The following ZNF490 variants were observed in gnomAD, a reference collection of about 807,000 sequenced individuals.
ZNF490 encodes zinc finger protein 490.
ZNF490 carries 11 observed loss-of-function variants against 17.7 expected under a neutral mutation model. The ratio of observed to expected loss-of-function variants is 0.62; its 90% CI spans 0.39 to 1.03. The LOEUF (loss-of-function observed/expected upper bound fraction) is 1.03. Ranked by LOEUF, ZNF490 falls within the 50% of genes least tolerant of loss-of-function variation. The pLI is 0.00. For missense variants in ZNF490, 542 were observed against 643.4 expected (o/e 0.84, Z 1.71); for synonymous variants, 222 against 216.1 (o/e 1.03, Z -0.24).
intron 2 of ZNF490, chr19:12,597,123 C>G: frequency 4.3e-6 from 2 of 461,924 alleles, no homozygotes; most frequent in Non-Finnish European, 8.7e-6. Context: ...CCTCAGGTCT[C>G]GGGACTCCCG....
chr19:12,604,399 C>T (rs1042968304), intron 2 of ZNF490, among the ~76,000 whole-genome samples: 17 of 152,094 alleles, frequency 1.1e-4, no homozygotes, highest in African/African-American at 3.9e-4. Flanking sequence ...CACCTATAAT[C>T]CCAGCACTTT....
At position 12,578,603 on chromosome 19, in the gene ZNF490, A is replaced by G. The variant is rs2022676488; in HGVS notation, c.*1882T>C. The G allele has an allele frequency of 1.0e-6, 1 of 985,512 alleles. No homozygotes were observed. The highest frequency in any genetic ancestry group is 1.2e-6 in the Non-Finnish European group (1 of 829,956). The allele number at this position is 985,512 out of a possible 1,614,324, so 61.0% of individuals were successfully genotyped here. A position where few individuals can be genotyped will look rare whatever the true frequency, so the allele number is the denominator to read the frequency against. ...ACAATGTCTGTGAATTAGGATGTGC[A>G]TAGGCAGATCCCACTTGGGGAAAAA... On this transcript the variant is annotated 3_prime_UTR_variant, in exon 5 of 5. Transcript: ENST00000311437.
rs554128296 is a variant in ZNF490, at chr19:12,576,524, A to G, written c.*3961T>C. On this transcript the variant is annotated 3_prime_UTR_variant, in exon 5 of 5. Transcript: ENST00000311437. ...TGTCTCAAAAAAACAACAAACAAAC[A>G]AAATAACCAGCCAGGCAGAGTGGCT... Among the ~76,000 whole-genome samples the G allele has an allele frequency of 2.0e-5, 3 of 151,568 alleles. No individual in the cohort carries two copies. In the South Asian group the frequency reaches 6.2e-4, roughly 32 times the overall value.
At chr19:12,598,018 G>A (rs918359283) in intron 2 of ZNF490, among the ~76,000 whole-genome samples, 2 of 152,168 alleles carry the variant, frequency 1.3e-5, no homozygotes, top group African/African-American at 4.8e-5. Flanking sequence ...GAGGTCAAGT[G>A]ATCGAGACCA....
rs2022648430 is a variant in ZNF490, at chr19:12,576,896, CA to C, written c.*3588del. Among the ~76,000 whole-genome samples the C allele has an allele frequency of 6.8e-6, 1 of 147,158 alleles. No homozygotes were observed. The highest frequency in any genetic ancestry group is 1.5e-5 in the Non-Finnish European group (1 of 66,972). Reference sequence around the variant, plus strand: ...ATATATATACACACAGCCCTCTAGACAAATATACAAAAATCACACACGTTAT... The same window carrying C: ...ATATATATACACACAGCCCTCTAGACAATATACAAAAATCACACACGTTAT... On this transcript the variant is annotated 3_prime_UTR_variant, in exon 5 of 5. Coordinates refer to ENST00000311437, the MANE Select transcript of ZNF490 (RefSeq NM_020714.3).
chr19:12,587,218 C>T lies in ZNF490; in HGVS notation c.163-3662G>A, dbSNP rs562580901. 2.4e-5 allele frequency among the ~76,000 whole-genome samples: 2 copies of T among 84,230 alleles called. 1 individual carries two copies. The highest frequency in any genetic ancestry group is 6.2e-5 in the Non-Finnish European group (2 of 32,134). 55.3% of individuals were successfully genotyped at this position (84,230 alleles called of 152,430 possible). On this transcript the variant is annotated intron_variant, in intron 2 of 4. Transcript: ENST00000311437. ...GTTGTGGGATGACAGATGACTATAA[C>T]CTCAAACTCCTGGGCTCAAAGGACT...
At chr19:12,586,034 C>G (rs1290571517) in intron 2 of ZNF490, among the ~76,000 whole-genome samples, 1 of 92,306 alleles carries the variant, frequency 1.1e-5, no homozygotes, top group Admixed American at 1.0e-4. Flanking sequence ...GGTGTGGTGG[C>G]TCACGACTGT....
Position 12,581,633 on chromosome 19 carries a change from C to G in ZNF490, c.442G>C (p.Glu148Gln). The part of the protein sequence containing the change: ...SQIPDLNTNL[E>Q]TPTGLKPCDC... Reference sequence around the variant, plus strand: ...CATGGTTTTAATCCAGTAGGAGTTTCCAGGTTCGTATTAAGATCAGGAATC... The same window carrying G: ...CATGGTTTTAATCCAGTAGGAGTTTGCAGGTTCGTATTAAGATCAGGAATC... Residue 148 changes from glutamate to glutamine, a missense_variant, in exon 5 of 5, where the codon GAA (glutamate) becomes CAA (glutamine). Coordinates refer to ENST00000311437, the MANE Select transcript of ZNF490 (RefSeq NM_020714.3). 3 of 1,614,142 alleles carry G rather than the reference C, an allele frequency of 1.9e-6. No individual in the cohort carries two copies. Among genetic ancestry groups the G allele is most frequent in the Non-Finnish European group, 2.5e-6 (3 of 1,180,036 alleles).
intron 2 of ZNF490, among the ~76,000 whole-genome samples, chr19:12,607,269 C>T (rs1482784410): frequency 6.6e-6 from 1 of 151,402 alleles, no homozygotes; most frequent in African/African-American, 2.4e-5. Flanking sequence ...CGGCTCACTG[C>T]AACCTCCACC....
At chr19:12,588,332 A>G (rs926867734) in intron 2 of ZNF490, among the ~76,000 whole-genome samples, 1 of 152,156 alleles carries the variant, frequency 6.6e-6, no homozygotes, top group Non-Finnish European at 1.5e-5. Flanking sequence ...CAGCCTTATT[A>G]ATTTCAGAAA....
chr19:12,608,254 T>C (rs776204487), intron 2 of ZNF490, among the ~76,000 whole-genome samples: 1 of 152,128 alleles, frequency 6.6e-6, no homozygotes, highest in Non-Finnish European at 1.5e-5. Context: ...GTCCAAACTA[T>C]GCAAACAAGT....
At chr19:12,595,355 C>T (rs2022919090) in intron 2 of ZNF490, among the ~76,000 whole-genome samples, 1 of 151,956 alleles carries the variant, frequency 6.6e-6, no homozygotes, top group African/African-American at 2.4e-5. Context: ...GCTCCCGACC[C>T]GCCTGTCTTA....
At position 12,610,604 on chromosome 19, in the gene ZNF490, C is replaced by T; in HGVS notation, c.77G>A (p.Ser26Asn). The T allele has an allele frequency of 1.2e-6, 2 of 1,614,040 alleles. No individual in the cohort carries two copies. The highest frequency in any genetic ancestry group is 1.3e-5 in the African/African-American group (1 of 75,008). ...EEQVQSKWSS[S>N]QGRTGTGGSD... ...CCCTCCTGTTCCTGTGCGGCCTTGA[C>T]TAGACGACCACTTGCTCTGGACTTG... The change falls in exon 1 of 5, where the codon AGT becomes AAT. Residue 26 changes from serine (S) to asparagine (N), a missense_variant. Coordinates refer to ENST00000311437, the MANE Select transcript of ZNF490 (RefSeq NM_020714.3).
chr19:12,610,750 G>A lies in ZNF490; in HGVS notation c.-70C>T. 3 of 1,482,384 alleles carry A rather than the reference G, an allele frequency of 2.0e-6. No homozygotes were observed. Among genetic ancestry groups the A allele is most frequent in the Non-Finnish European group, 2.8e-6 (3 of 1,067,730 alleles). The allele number at this position is 1,482,384 out of a possible 1,614,324, so 91.8% of individuals were successfully genotyped here. On this transcript the variant is annotated 5_prime_UTR_variant, in exon 1 of 5. Coordinates refer to ENST00000311437, the MANE Select transcript of ZNF490 (RefSeq NM_020714.3). ...CGACCCGAGATCCGGAACAATTTCT[G>A]CTTCAACACAATTGTCCACGGAGGG...
At chr19:12,610,325 C>G (rs1214598115) in intron 1 of ZNF490, among the ~76,000 whole-genome samples, 2 of 150,802 alleles carry the variant, frequency 1.3e-5, no homozygotes, top group Non-Finnish European at 3.0e-5. Flanking sequence ...CCACCGCCCC[C>G]ACCACGCAGT....
In ZNF490 at chr19:12,610,563, C is replaced by T; in HGVS notation, c.117+1G>A. 1 of 1,612,232 alleles carries T rather than the reference C, an allele frequency of 6.2e-7. No individual in the cohort carries two copies. The highest frequency in any genetic ancestry group is 8.5e-7 in the Non-Finnish European group (1 of 1,178,434). ...ACAACATTATGCCAAGCCCCTGGTACCTGGAGGACATCAGACCCTCCTGTT... is the reference window on the plus strand; with the variant it reads ...ACAACATTATGCCAAGCCCCTGGTATCTGGAGGACATCAGACCCTCCTGTT... On this transcript the variant is annotated splice_donor_variant, in intron 1 of 4. Transcript: ENST00000311437. LOFTEE classifies it high-confidence loss of function.
chr19:12,595,948 C>CAAAAGAAAAAAAGA (rs1352133439), intron 2 of ZNF490, among the ~76,000 whole-genome samples: 9 of 149,972 alleles, frequency 6.0e-5, no homozygotes, highest in Admixed American at 4.7e-4. Flanking sequence ...AAGACTCTGT[C>CAAAAGAAAAAAAGA]AAAAGAAAAA....
chr19:12,603,839 A>G (rs560440005), intron 2 of ZNF490, among the ~76,000 whole-genome samples: 5 of 151,968 alleles, frequency 3.3e-5, no homozygotes, highest in Admixed American at 2.6e-4. Flanking sequence ...ATAGCTCTAG[A>G]AGAGTTCCAG....
rs906382243 is a variant in ZNF490, at chr19:12,576,230, G to A, written c.*4255C>T. Among the ~76,000 whole-genome samples, 10 of 152,198 alleles carry A rather than the reference G, an allele frequency of 6.6e-5. No individual in the cohort carries two copies. In the East Asian group the frequency reaches 1.5e-3, roughly 24 times the overall value. On this transcript the variant is annotated 3_prime_UTR_variant, in exon 5 of 5. Transcript: ENST00000311437. ...GCAAGAAAATGCAAGCATTCCAGCC[G>A]GGCCTGGTGGCTCAAGCCTCTAATC...
Sources: allele counts gnomAD v4.1 joint callset (sites outside exome capture counted in the v4.1 genomes callset), GRCh38; gene constraint gnomAD v4.1.1; transcripts MANE v1.5; gene names NCBI Gene and HGNC (gene_info 2026-07-23, HGNC 2026-07-21).